Variants in GRID2 observed in about 807,000 individuals in gnomAD.
The protein encoded by GRID2 is glutamate receptor ionotropic, delta-2.
GRID2 carries 33 observed loss-of-function variants against 114.8 expected under a neutral mutation model. That is an observed-to-expected ratio of 0.29 (90% CI 0.22 to 0.38). GRID2 has a LOEUF of 0.38. GRID2 is among the 10% of genes least tolerant of loss of function. The probability of loss-of-function intolerance (pLI) is 1.00; values close to 1 mark genes in which losing one functional copy is unlikely to be tolerated. For missense variants in GRID2, 1,184 were observed against 1,257.7 expected, an observed-to-expected ratio of 0.94 and a Z score of 0.89; for synonymous variants, 505 against 449.9, an observed-to-expected ratio of 1.12 and a Z score of -1.55.
chr4:93,075,062 C>T (rs1029947766), intron 2 of GRID2, among the ~76,000 whole-genome samples: 2 of 152,158 alleles, frequency 1.3e-5, no homozygotes, highest in African/African-American at 4.8e-5. Flanking sequence ...TAATTATACA[C>T]AAACTCTTCC....
intron 8 of GRID2, among the ~76,000 whole-genome samples, chr4:93,266,653 A>T (rs1367167180): frequency 6.6e-6 from 1 of 152,134 alleles, no homozygotes; most frequent in African/African-American, 2.4e-5. Flanking sequence ...ACCTCAGGTG[A>T]TCCACCCACC....
In GRID2 at chr4:92,476,268, G is replaced by A. The variant is rs548491313; in HGVS notation, c.89-113863G>A. ...TCTCGATCTCCTGACCTTGTGATCCGCCCGCCTTGGCTTCCCAAAGTGCTG... is the reference window on the plus strand; with the variant it reads ...TCTCGATCTCCTGACCTTGTGATCCACCCGCCTTGGCTTCCCAAAGTGCTG... On this transcript the variant is annotated intron_variant, in intron 1 of 15. Coordinates refer to ENST00000282020, the MANE Select transcript of GRID2 (RefSeq NM_001510.4). 2.0e-3 allele frequency among the ~76,000 whole-genome samples: 310 copies of A among 152,110 alleles called. 2 individuals are homozygous for A. Among genetic ancestry groups the A allele is most frequent in the Non-Finnish European group, 3.5e-3 (240 of 68,006 alleles).
At chr4:92,489,240 T>C (rs1220799883) in intron 1 of GRID2, among the ~76,000 whole-genome samples, 1 of 152,210 alleles carries the variant, frequency 6.6e-6, no homozygotes, top group African/African-American at 2.4e-5. Flanking sequence ...TTAATGAAGC[T>C]GTTTTAACTT....
At chr4:93,586,252 A>G (rs1418697803) in intron 13 of GRID2, among the ~76,000 whole-genome samples, 1 of 152,092 alleles carries the variant, frequency 6.6e-6, no homozygotes, top group Non-Finnish European at 1.5e-5. Context: ...TGGGGTCACC[A>G]GATGTTTCCC....
intron 2 of GRID2, among the ~76,000 whole-genome samples, chr4:92,941,564 T>G (rs566301286): frequency 4.6e-5 from 7 of 152,276 alleles, no homozygotes; most frequent in Non-Finnish European, 1.0e-4. Context: ...GTGTCTCTAT[T>G]TCCTTCAGTT....
chr4:93,453,235 C>A (rs1722866149), intron 10 of GRID2, among the ~76,000 whole-genome samples: 1 of 151,058 alleles, frequency 6.6e-6, no homozygotes, highest in Non-Finnish European at 1.5e-5. Context: ...TTATCCATTA[C>A]AGTGTTCTGC....
At chr4:93,246,540 T>C (rs1470728332) in intron 8 of GRID2, among the ~76,000 whole-genome samples, 1 of 150,954 alleles carries the variant, frequency 6.6e-6, no homozygotes, top group Non-Finnish European at 1.5e-5. Flanking sequence ...TGAGCCGAGA[T>C]TGGGCCATTG....
At chr4:93,320,054 G>C (rs552941831) in intron 8 of GRID2, among the ~76,000 whole-genome samples, 4 of 152,044 alleles carry the variant, frequency 2.6e-5, no homozygotes, top group African/African-American at 7.2e-5. Flanking sequence ...CTATCTATAA[G>C]GAGGTGCCTT....
chr4:93,177,023 C>A (rs747412450), intron 4 of GRID2, among the ~76,000 whole-genome samples: 83 of 152,074 alleles, frequency 5.5e-4, no homozygotes, highest in Non-Finnish European at 1.0e-3. Context: ...TCCTACCTAG[C>A]AGAAAAAAAT....
At chr4:92,907,085 G>A (rs978328788) in intron 2 of GRID2, among the ~76,000 whole-genome samples, 1 of 152,088 alleles carries the variant, frequency 6.6e-6, no homozygotes, top group Non-Finnish European at 1.5e-5. Context: ...AATGGAATTT[G>A]TTTTTATAGT....
chr4:92,660,940 C>T (rs921923262), intron 2 of GRID2, among the ~76,000 whole-genome samples: 3 of 150,952 alleles, frequency 2.0e-5, no homozygotes, highest in African/African-American at 4.8e-5. Flanking sequence ...TAGCTATTAT[C>T]GGACCATTTT....
chr4:93,142,855 A>G (rs1013182889), intron 4 of GRID2, among the ~76,000 whole-genome samples: 1 of 152,212 alleles, frequency 6.6e-6, no homozygotes, highest in Non-Finnish European at 1.5e-5. Flanking sequence ...TAAACAAAGG[A>G]AGAAGACATA....
intron 10 of GRID2, among the ~76,000 whole-genome samples, chr4:93,444,874 T>C (rs1721946880): frequency 6.6e-6 from 1 of 151,998 alleles, no homozygotes; most frequent in Non-Finnish European, 1.5e-5. Flanking sequence ...AAGAACTTTT[T>C]CAATCTCAAA....
intron 2 of GRID2, among the ~76,000 whole-genome samples, chr4:92,908,939 A>T (rs1278320241): frequency 6.6e-6 from 1 of 152,160 alleles, no homozygotes; most frequent in Non-Finnish European, 1.5e-5. Flanking sequence ...ATAGAAGCTC[A>T]TTGTCATGAA....
At chr4:93,116,025 CT>C (rs1407091266) in intron 4 of GRID2, among the ~76,000 whole-genome samples, 1 of 152,116 alleles carries the variant, frequency 6.6e-6, no homozygotes, top group African/African-American at 2.4e-5. Flanking sequence ...AGTTTGTCAT[CT>C]CTTACCTACC....
rs563882612 is a variant in GRID2 at position 92,426,584 on chromosome 4, G to C, written c.88+121840G>C. 2.0e-5 allele frequency among the ~76,000 whole-genome samples: 3 copies of C among 152,172 alleles called. No individual in the cohort carries two copies. In the South Asian group the frequency reaches 6.2e-4, roughly 32 times the overall value. On this transcript the variant is annotated intron_variant, in intron 1 of 15. Coordinates refer to ENST00000282020, the MANE Select transcript of GRID2 (RefSeq NM_001510.4). ...ATCCAGAAGATACTGCTTAAGTGAG[G>C]TTCTGTAGATACTCAAGTATATGAA...
At chr4:93,271,269 ACT>A (rs1456483010) in intron 8 of GRID2, among the ~76,000 whole-genome samples, 1 of 151,974 alleles carries the variant, frequency 6.6e-6, no homozygotes. Flanking sequence ...ATAAATATGA[ACT>A]CTGTGTAATG....
rs180836809 is a variant in GRID2 at position 93,277,556 on chromosome 4, G to A, written c.1245+39066G>A. Among the ~76,000 whole-genome samples, 456 of 151,558 alleles carry A rather than the reference G, an allele frequency of 3.0e-3. 3 individuals are homozygous for A. Among genetic ancestry groups the A allele is most frequent in the Non-Finnish European group, 4.4e-3 (299 of 67,784 alleles). ...CTATGAAAACTTTAAAATAACTATA[G>A]TTAATTTTAATATACAGTGATTATT... On this transcript the variant is annotated intron_variant, in intron 8 of 15. Coordinates refer to ENST00000282020, the MANE Select transcript of GRID2 (RefSeq NM_001510.4).
At chr4:92,835,647 G>T (rs1742402917) in intron 2 of GRID2, among the ~76,000 whole-genome samples, 1 of 152,074 alleles carries the variant, frequency 6.6e-6, no homozygotes, top group South Asian at 2.1e-4. Flanking sequence ...CCCCATGCCA[G>T]TTCTTACCCC....
Sources: allele counts gnomAD v4.1 joint callset (sites outside exome capture counted in the v4.1 genomes callset), GRCh38; gene constraint gnomAD v4.1.1; transcripts MANE v1.5; gene names NCBI Gene and HGNC (gene_info 2026-07-23, HGNC 2026-07-21).